Variants in ZWINT observed in about 807,000 individuals in gnomAD.
ZWINT encodes outer kinetochore KNL1 complex subunit ZWINT.
In ZWINT, 41 loss-of-function variants were observed where a neutral mutation model predicts 41.5. That is an observed-to-expected ratio of 0.99 (90% CI 0.77 to 1.28). ZWINT has a LOEUF of 1.28. Among genes scored for constraint, ZWINT ranks in the 50% most tolerant of loss-of-function variants. ZWINT has a pLI of 0.00. For missense variants in ZWINT, 369 were observed against 329.7 expected, an observed-to-expected ratio of 1.12 and a Z score of -0.92; for synonymous variants, 132 against 126.8, an observed-to-expected ratio of 1.04 and a Z score of -0.28.
At position 56,359,460 on chromosome 10, in the gene ZWINT, A is replaced by G. The variant is rs770167450; in HGVS notation, c.480+16T>C. 1.3e-6 allele frequency: 2 copies of G among 1,524,658 alleles called. No individual in the cohort carries two copies. Among genetic ancestry groups the G allele is most frequent in the Admixed American group, 4.5e-5 (2 of 44,656 alleles). 94.4% of individuals were successfully genotyped at this position (1,524,658 alleles called of 1,614,324 possible). A position where few individuals can be genotyped will look rare whatever the true frequency, so the allele number is the denominator to read the frequency against. On this transcript the variant is annotated intron_variant, in intron 5 of 8. Coordinates refer to ENST00000373944, the MANE Select transcript of ZWINT (RefSeq NM_007057.4). ...TGGTGGTGGGAAGGGATATTCTCCT[A>G]GGGGGACGAACCTACCTGTTGTAGC...
In ZWINT at chr10:56,357,564, G is replaced by C. The variant is rs962919354; in HGVS notation, c.*663C>G. The C allele has an allele frequency of 1.0e-4, 16 of 152,844 alleles. No individual in the cohort carries two copies. The highest frequency in any genetic ancestry group is 3.9e-4 in the African/African-American group (16 of 41,422). 9.5% of individuals were successfully genotyped at this position (152,844 alleles called of 1,614,324 possible). On this transcript the variant is annotated 3_prime_UTR_variant, in exon 9 of 9. Coordinates refer to ENST00000373944, the MANE Select transcript of ZWINT (RefSeq NM_007057.4). ...TCTCCAATCCGAAAACAGAAAGTGG[G>C]AAAGATCAAGGTATCACTAGAGGTC...
At chr10:56,360,220 G>A in intron 2 of ZWINT, 73 bp downstream of exon 2, 4 of 1,610,670 alleles carry the variant, frequency 2.5e-6, no homozygotes, top group Non-Finnish European at 2.5e-6. Context: ...TGCCAGTGCT[G>A]CCCTGTATCT....
At position 56,360,351 on chromosome 10, in the gene ZWINT, G is replaced by T. The variant is rs372056693; in HGVS notation, c.74C>A (p.Pro25His). 1.5e-5 allele frequency: 25 copies of T among 1,614,074 alleles called. No individual in the cohort carries two copies. Among genetic ancestry groups the T allele is most frequent in the Non-Finnish European group, 2.0e-5 (24 of 1,180,052 alleles). The change falls in exon 2 of 9, where the codon CCT becomes CAT. Residue 25 changes from proline to histidine, a missense_variant. Physicochemically the swap from Pro to His is moderately conservative, Grantham distance 77. Transcript: ENST00000373944. ...TTCTGCCTCCTCCTGCAGGCCTACAGGTTCCAAGATGCCTGCCACCTCAGC... is the reference window on the plus strand; with the variant it reads ...TTCTGCCTCCTCCTGCAGGCCTACATGTTCCAAGATGCCTGCCACCTCAGC... ...VLAEVAGILE[P>H]VGLQEEAELP...
At position 56,358,622 on chromosome 10, in the gene ZWINT, C is replaced by A; in HGVS notation, c.726G>T (p.Gln242His). Residue 242 changes from glutamine to histidine, a missense_variant, in exon 7 of 9, where the codon CAG becomes CAT. By Grantham distance (24) the Gln-to-His change is conservative. Coordinates refer to ENST00000373944, the MANE Select transcript of ZWINT (RefSeq NM_007057.4). ...AENLPDDKPQ[Q>H]PTRPQEQSTG... ...TACTCTGCTCCTGGGGTCGAGTCGG[C>A]TGCTGGGGTTTATCATCTGGAAGAT... The A allele has an allele frequency of 6.2e-7, 1 of 1,614,052 alleles. No homozygotes were observed. Among genetic ancestry groups the A allele is most frequent in the Non-Finnish European group, 8.5e-7 (1 of 1,180,020 alleles).
rs779177745 is a variant in ZWINT at position 56,360,333 on chromosome 10, T to G, written c.92A>C (p.Glu31Ala). 2 of 1,614,016 alleles carry G rather than the reference T, an allele frequency of 1.2e-6. No homozygotes were observed. The highest frequency in any genetic ancestry group is 8.5e-7 in the Non-Finnish European group (1 of 1,180,010). The change falls in exon 2 of 9, where the codon GAG becomes GCG. Residue 31 changes from glutamate to alanine, a missense_variant. Physicochemically the swap from Glu to Ala is moderately radical, Grantham distance 107 (BLOSUM62 -1). Coordinates refer to ENST00000373944, the MANE Select transcript of ZWINT (RefSeq NM_007057.4). ...GILEPVGLQE[E>A]AELPAKILVE... is the part of the protein sequence containing the mutation. ...CAGGATCTTGGCTGGCAGTTCTGCC[T>G]CCTCCTGCAGGCCTACAGGTTCCAA...
Position 56,358,870 on chromosome 10 carries a change from G to C in ZWINT, c.558C>G (p.Asp186Glu), listed in dbSNP as rs149984887. 30 of 1,614,016 alleles carry C rather than the reference G, an allele frequency of 1.9e-5. No homozygotes were observed. The African/African-American group carries it at 2.7e-4, about 14-fold the overall frequency. ...ERKTGTQQELDRVFQKLGNLK... is the reference protein window; with the variant it reads ...ERKTGTQQELERVFQKLGNLK... The stretch of plus-strand genomic sequence containing the variant: ...GGTTTCCAAGTTTCTGAAACACCCT[G>C]TCAAGCTCCTGCTGAGTCCCTGTCT... The change falls in exon 6 of 9, where the codon GAC (aspartate) becomes GAG (glutamate). Residue 186 changes from aspartate (D) to glutamate (E), a missense_variant. By Grantham distance (45) the Asp-to-Glu change is conservative. Transcript: ENST00000373944.
rs890605731 is a variant in ZWINT at position 56,359,856 on chromosome 10, G to A, written c.257-3C>T. 4.3e-6 allele frequency: 7 copies of A among 1,613,900 alleles called. No individual in the cohort carries two copies. In the African/African-American group the frequency reaches 9.3e-5, roughly 22 times the overall value. ...CTTAGCTGCAATTGCCTTCTGTCCT[G>A]AGATGAGCCACCAGGAATGAGTACA... On this transcript the variant is annotated splice_polypyrimidine_tract_variant and splice_region_variant and intron_variant, in intron 3 of 8. Coordinates refer to ENST00000373944, the MANE Select transcript of ZWINT (RefSeq NM_007057.4).
In ZWINT at chr10:56,358,449, A is replaced by G. The variant is rs1838225125; in HGVS notation, c.803T>C (p.Leu268Pro). ...DPGVSFKAVG[L>P]QPAGDVNLP ...CAAATTTACATCTCCAGCAGGTTGT[A>G]GACCAACAGCCTTGGAGAAATACAG... The change falls in exon 8 of 9, where the codon CTA (leucine) becomes CCA (proline). Residue 268 changes from leucine to proline, a missense_variant. By Grantham distance (98) the Leu-to-Pro change is moderately conservative. Transcript: ENST00000373944. The G allele has an allele frequency of 6.2e-7, 1 of 1,613,994 alleles. No individual in the cohort carries two copies. Among genetic ancestry groups the G allele is most frequent in the Non-Finnish European group, 8.5e-7 (1 of 1,180,012 alleles).
rs1838200226 is a variant in ZWINT, at chr10:56,357,686, A to C, written c.*541T>G. The C allele has an allele frequency of 5.4e-6, 1 of 186,032 alleles. No individual in the cohort carries two copies. The highest frequency in any genetic ancestry group is 5.4e-5 in the Admixed American group (1 of 18,546). 11.5% of individuals were successfully genotyped at this position (186,032 alleles called of 1,614,324 possible). A position where few individuals can be genotyped will look rare whatever the true frequency, so the allele number is the denominator to read the frequency against. On this transcript the variant is annotated 3_prime_UTR_variant, in exon 9 of 9. Transcript: ENST00000373944. ...AACATCTGAAACCAGTGATCGAGAA[A>C]TGTTTTAGATAAGGCACAAAAAGAT...
intron 1 of ZWINT, among the ~76,000 whole-genome samples, 177 bp downstream of exon 1, chr10:56,361,019 C>A (rs1032121583): frequency 1.3e-5 from 2 of 152,054 alleles, no homozygotes; most frequent in African/African-American, 4.8e-5. Context: ...AGGCTGTACT[C>A]CTGGAGCAGG....
In ZWINT at chr10:56,361,221, TC is replaced by T. The variant is rs1838330130; in HGVS notation, c.15del (p.Thr6GlnfsTer8). 1 of 1,612,768 alleles carries T rather than the reference TC, an allele frequency of 6.2e-7. No homozygotes were observed. Among genetic ancestry groups the T allele is most frequent in the South Asian group, 1.1e-5 (1 of 91,040 alleles). On this transcript the variant is annotated frameshift_variant, in exon 1 of 9. Transcript: ENST00000373944. LOFTEE classifies it high-confidence loss of function. MEAA[E>X]TEAEAAALEV... ...TCTAGGGCTGCAGCTTCCGCCTCTGTCTCCGCTGCCTCCATCTTTCCAGGCG... is the reference window on the plus strand; with the variant it reads ...TCTAGGGCTGCAGCTTCCGCCTCTGTTCCGCTGCCTCCATCTTTCCAGGCG...
rs556119135 is a variant in ZWINT, at chr10:56,358,851, C to T, written c.577G>A (p.Gly193Arg). ...QELDRVFQKL[G>R]NLKQQAEQER... The stretch of plus-strand genomic sequence containing the variant: ...TGTTCTGCCTGCTGCTTCAGGTTTC[C>T]AAGTTTCTGAAACACCCTGTCAAGC... The change falls in exon 6 of 9, where the codon GGA becomes AGA. Residue 193 changes from glycine to arginine, a missense_variant. Transcript: ENST00000373944. The T allele has an allele frequency of 3.1e-6, 5 of 1,614,096 alleles. No homozygotes were observed. The East Asian group carries it at 1.1e-4, about 36-fold the overall frequency.
Position 56,358,433 on chromosome 10 carries a change from AT to A in ZWINT, c.818del (p.Asp273ValfsTer2). 2 of 1,614,052 alleles carry A rather than the reference AT, an allele frequency of 1.2e-6. No homozygotes were observed. The highest frequency in any genetic ancestry group is 1.1e-5 in the South Asian group (1 of 91,086). On this transcript the variant is annotated frameshift_variant, in exon 8 of 9. Coordinates refer to ENST00000373944, the MANE Select transcript of ZWINT (RefSeq NM_007057.4). LOFTEE classifies it high-confidence loss of function. ...FKAVGLQPAG[D>X]VNLP ...CTCCAGGAAGTCATGGCAAATTTAC[AT>A]CTCCAGCAGGTTGTAGACCAACAGC...
At chr10:56,360,675 GA>G (rs2132106000) in intron 1 of ZWINT, among the ~76,000 whole-genome samples, 1 of 152,282 alleles carries the variant, frequency 6.6e-6, no homozygotes, top group East Asian at 1.9e-4. Context: ...TCACTGAAGA[GA>G]AATCATTTGA....
At position 56,359,823 on chromosome 10, in the gene ZWINT, C is replaced by A; in HGVS notation, c.287G>T (p.Trp96Leu). 1 of 1,614,128 alleles carries A rather than the reference C, an allele frequency of 6.2e-7. No individual in the cohort carries two copies. The highest frequency in any genetic ancestry group is 1.1e-5 in the South Asian group (1 of 91,064). ...RQKAIAAKEQWKELKATYREH... is the reference protein window; with the variant it reads ...RQKAIAAKEQLKELKATYREH... ...CCTGTAGGTGGCCTTCAGCTCTTTCCATTGTTCCTTAGCTGCAATTGCCTT... is the reference window on the plus strand; with the variant it reads ...CCTGTAGGTGGCCTTCAGCTCTTTCAATTGTTCCTTAGCTGCAATTGCCTT... Residue 96 changes from tryptophan to leucine, a missense_variant, in exon 4 of 9, where the codon TGG (tryptophan) becomes TTG (leucine). Coordinates refer to ENST00000373944, the MANE Select transcript of ZWINT (RefSeq NM_007057.4).
Position 56,360,375 on chromosome 10 carries a change from G to A in ZWINT, c.50C>T (p.Ala17Val). ...EAEAAALEVL[A>V]EVAGILEPVG... ...AGGTTCCAAGATGCCTGCCACCTCAGCCAGGACCCTGGAGGGGCAAGGAAA... is the reference window on the plus strand; with the variant it reads ...AGGTTCCAAGATGCCTGCCACCTCAACCAGGACCCTGGAGGGGCAAGGAAA... Residue 17 changes from alanine (A) to valine (V), a missense_variant, in exon 2 of 9, where the codon GCT becomes GTT. Coordinates refer to ENST00000373944, the MANE Select transcript of ZWINT (RefSeq NM_007057.4). 1 of 1,614,094 alleles carries A rather than the reference G, an allele frequency of 6.2e-7. No individual in the cohort carries two copies. Among genetic ancestry groups the A allele is most frequent in the Non-Finnish European group, 8.5e-7 (1 of 1,180,002 alleles).
Position 56,357,398 on chromosome 10 carries a change from C to A in ZWINT, c.*829G>T, listed in dbSNP as rs568917942. 6.6e-6 allele frequency: 1 copy of A among 151,912 alleles called. No individual in the cohort carries two copies. The highest frequency in any genetic ancestry group is 2.4e-5 in the African/African-American group (1 of 41,354). 9.4% of individuals were successfully genotyped at this position (151,912 alleles called of 1,614,324 possible). On this transcript the variant is annotated 3_prime_UTR_variant, in exon 9 of 9. Coordinates refer to ENST00000373944, the MANE Select transcript of ZWINT (RefSeq NM_007057.4). Reference sequence around the variant, plus strand: ...TAATTATAACAGAATATAGGAAATGCTATGAATTGAATGATTGTGAAAATA... The same window carrying A: ...TAATTATAACAGAATATAGGAAATGATATGAATTGAATGATTGTGAAAATA...
chr10:56,360,227 A>G (rs1838293433), intron 2 of ZWINT, 66 bp downstream of exon 2: 15 of 1,611,178 alleles, frequency 9.3e-6, no homozygotes, highest in Admixed American at 1.7e-5. Flanking sequence ...GCTGCCCTGT[A>G]TCTCAGTAAG....
In ZWINT at chr10:56,360,099, C is replaced by T; in HGVS notation, c.175G>A (p.Val59Ile). Residue 59 changes from valine to isoleucine, a missense_variant, in exon 3 of 9, where the codon GTA becomes ATA. By Grantham distance (29) the Val-to-Ile change is conservative. Coordinates refer to ENST00000373944, the MANE Select transcript of ZWINT (RefSeq NM_007057.4). ...AGGATGTTCTGCAGGAAATCCGCTA[C>T]CTGAAGCTGGCTGCAGAGCAGCTTG... is the stretch of plus-strand genomic sequence containing the variant. ...KDKLLCSQLQ[V>I]ADFLQNILAQ... is the part of the protein sequence containing the mutation. 6.2e-7 allele frequency: 1 copy of T among 1,614,152 alleles called. No individual in the cohort carries two copies. Among genetic ancestry groups the T allele is most frequent in the Non-Finnish European group, 8.5e-7 (1 of 1,180,042 alleles).
Sources: gnomAD v4.1 joint callset for allele counts (sites outside exome capture counted in the v4.1 genomes callset) on GRCh38, gnomAD v4.1.1 for gene constraint, MANE v1.5 for transcripts, NCBI Gene and HGNC (gene_info 2026-07-23, HGNC 2026-07-21) for gene names.